The following SPAG16 variants were observed in gnomAD, a reference collection of about 807,000 sequenced individuals.
SPAG16 encodes the protein sperm associated antigen 16.
SPAG16 carries 86 observed loss-of-function variants against 80.4 expected under a neutral mutation model. That is an observed-to-expected ratio of 1.07 (90% CI 0.90 to 1.28). The LOEUF (loss-of-function observed/expected upper bound fraction) is 1.28, where lower values mean the gene tolerates loss of function less well. SPAG16 is among the 50% of genes most tolerant of loss of function. The pLI is 0.00. For synonymous variants in SPAG16, 294 were observed against 265.9 expected (o/e 1.11, Z -1.03); for missense variants, 870 against 765.3 (o/e 1.14, Z -1.61).
At chr2:213,980,725 T>TATATAGAGAGAGAGAGAGAGAG (rs374274176) in intron 12 of SPAG16, among the ~76,000 whole-genome samples, 12 of 103,992 alleles carry the variant, frequency 1.2e-4, no homozygotes, top group African/African-American at 5.5e-4. Context: ...TATATATATA[T>TATATAGAGAGAGAGAGAGAGAG]AGAGAGAGAG....
chr2:213,818,769 C>A (rs1436640043), intron 10 of SPAG16, among the ~76,000 whole-genome samples: 1 of 152,122 alleles, frequency 6.6e-6, no homozygotes, highest in African/African-American at 2.4e-5. Flanking sequence ...TTCCTGCTGC[C>A]ATTCTCGTGA....
At chr2:214,212,743 A>T (rs67407044) in intron 15 of SPAG16, among the ~76,000 whole-genome samples, 106 of 152,230 alleles carry the variant, frequency 7.0e-4, no homozygotes, top group Non-Finnish European at 1.3e-3. Flanking sequence ...TGAACCAAAA[A>T]AGTCTTTCTT....
At chr2:213,559,859 A>G (rs1240792574) in intron 10 of SPAG16, among the ~76,000 whole-genome samples, 1 of 152,046 alleles carries the variant, frequency 6.6e-6, no homozygotes, top group African/African-American at 2.4e-5. Context: ...ATTACTTTTA[A>G]TGATTGACAA....
intron 9 of SPAG16, among the ~76,000 whole-genome samples, chr2:213,442,824 G>T (rs1247249471): frequency 1.3e-5 from 2 of 152,024 alleles, no homozygotes; most frequent in East Asian, 1.9e-4. Flanking sequence ...GAATATAACA[G>T]AAAATCTAGA....
At chr2:213,423,793 C>G (rs976873523) in intron 9 of SPAG16, among the ~76,000 whole-genome samples, 1 of 152,186 alleles carries the variant, frequency 6.6e-6, no homozygotes, top group African/African-American at 2.4e-5. Flanking sequence ...TTCAGTCCGT[C>G]TGTGTCTAAA....
intron 11 of SPAG16, among the ~76,000 whole-genome samples, chr2:213,891,546 T>C (rs944138000): frequency 6.6e-6 from 1 of 152,052 alleles, no homozygotes; most frequent in Non-Finnish European, 1.5e-5. Flanking sequence ...TTAGCTGGTA[T>C]TCAAAGAAAA....
intron 10 of SPAG16, among the ~76,000 whole-genome samples, chr2:213,693,130 G>A (rs1396035195): frequency 2.6e-5 from 4 of 152,338 alleles, no homozygotes; most frequent in African/African-American, 9.6e-5. Flanking sequence ...GAATGCATGT[G>A]AATTTCATAT....
intron 15 of SPAG16, among the ~76,000 whole-genome samples, chr2:214,175,863 C>A (rs1164323465): frequency 6.6e-6 from 1 of 151,226 alleles, no homozygotes; most frequent in African/African-American, 2.4e-5. Flanking sequence ...AGTTAAGTTT[C>A]TTTATGTATA....
intron 15 of SPAG16, among the ~76,000 whole-genome samples, chr2:214,205,492 T>G: frequency 1.3e-5 from 2 of 152,348 alleles, no homozygotes; most frequent in Middle Eastern, 6.8e-3. Flanking sequence ...ATATATTGAA[T>G]AATTTTTACT....
At chr2:213,904,847 G>T (rs77544078) in intron 11 of SPAG16, among the ~76,000 whole-genome samples, 6 of 152,080 alleles carry the variant, frequency 3.9e-5, no homozygotes, top group African/African-American at 1.2e-4. Context: ...GTGGTAACTC[G>T]GTGGGTGGTA....
intron 15 of SPAG16, among the ~76,000 whole-genome samples, chr2:214,392,775 A>C (rs538248990): frequency 6.6e-6 from 1 of 152,216 alleles, no homozygotes; most frequent in East Asian, 1.9e-4. Flanking sequence ...CCTAAGAGAA[A>C]TACTTCCATA....
intron 12 of SPAG16, among the ~76,000 whole-genome samples, chr2:213,989,533 C>A (rs958187846): frequency 6.6e-6 from 1 of 152,040 alleles, no homozygotes; most frequent in Non-Finnish European, 1.5e-5. Flanking sequence ...ACTAAAAATA[C>A]CTATTCCTTA....
At chr2:214,232,201 G>A (rs947648760) in intron 15 of SPAG16, among the ~76,000 whole-genome samples, 1 of 151,836 alleles carries the variant, frequency 6.6e-6, no homozygotes, top group Non-Finnish European at 1.5e-5. Context: ...TAAACATATG[G>A]TAGATGCTAT....
chr2:214,082,286 T>C (rs961133181), intron 13 of SPAG16, among the ~76,000 whole-genome samples: 7 of 152,150 alleles, frequency 4.6e-5, no homozygotes, highest in Admixed American at 2.6e-4. Context: ...CTCAACTCTG[T>C]TTTTCCATAA....
intron 15 of SPAG16, among the ~76,000 whole-genome samples, chr2:214,162,816 G>C (rs2056495137): frequency 6.6e-6 from 1 of 151,964 alleles, no homozygotes; most frequent in South Asian, 2.1e-4. Flanking sequence ...GAGACTTTTG[G>C]AGTTATCCCT....
At chr2:213,643,242 T>G (rs1265383484) in intron 10 of SPAG16, among the ~76,000 whole-genome samples, 1 of 149,180 alleles carries the variant, frequency 6.7e-6, no homozygotes, top group Non-Finnish European at 1.5e-5. Flanking sequence ...TTTGTTTGTT[T>G]GTTTGTTTGT....
At chr2:213,381,762 G>A (rs888136661) in intron 9 of SPAG16, among the ~76,000 whole-genome samples, 1 of 152,188 alleles carries the variant, frequency 6.6e-6, no homozygotes, top group Non-Finnish European at 1.5e-5. Context: ...CATTTCCTTA[G>A]ATCTTATCTC....
chr2:213,384,301 G>C (rs554720194), intron 9 of SPAG16, among the ~76,000 whole-genome samples: 3 of 152,230 alleles, frequency 2.0e-5, no homozygotes, highest in African/African-American at 4.8e-5. Context: ...TATCCCACAG[G>C]TCAAGAATTA....
At chr2:214,118,028 C>T (rs367920513) in intron 14 of SPAG16, among the ~76,000 whole-genome samples, 2 of 152,208 alleles carry the variant, frequency 1.3e-5, no homozygotes, top group South Asian at 4.1e-4. Flanking sequence ...AAAGAAATAA[C>T]GCGCATCCAA....
Sources: gnomAD v4.1 joint callset for allele counts (sites outside exome capture counted in the v4.1 genomes callset) on GRCh38, gnomAD v4.1.1 for gene constraint, MANE v1.5 for transcripts, NCBI Gene and HGNC (gene_info 2026-07-23, HGNC 2026-07-21) for gene names.